Variants in ROBO1 observed in about 807,000 individuals in gnomAD.
The protein encoded by ROBO1 is roundabout homolog 1.
A neutral mutation model predicts 195.9 loss-of-function variants in ROBO1; 149 were observed. The observed-to-expected ratio is 0.76, with a 90% CI of 0.67 to 0.87. The LOEUF (loss-of-function observed/expected upper bound fraction) is 0.87. ROBO1 is among the 40% of genes least tolerant of loss of function. ROBO1 has a pLI of 0.00. For missense variants in ROBO1, 1,933 were observed against 2,068.3 expected, an observed-to-expected ratio of 0.93 and a Z score of 1.27; for synonymous variants, 816 against 733.2, an observed-to-expected ratio of 1.11 and a Z score of -1.82.
chr3:79,594,966 TAA>T (rs1023235591), intron 1 of ROBO1, among the ~76,000 whole-genome samples: 5 of 152,032 alleles, frequency 3.3e-5, no homozygotes, highest in Non-Finnish European at 7.4e-5. Flanking sequence ...AATATATTTA[TAA>T]GATAATCTCA....
At chr3:79,303,627 A>G (rs1468947056) in intron 2 of ROBO1, among the ~76,000 whole-genome samples, 2 of 152,190 alleles carry the variant, frequency 1.3e-5, no homozygotes, top group Non-Finnish European at 2.9e-5. Flanking sequence ...ATCAATAAAT[A>G]AAGAACATGT....
intron 1 of ROBO1, among the ~76,000 whole-genome samples, chr3:79,725,153 A>C (rs565436398): frequency 7.6e-4 from 115 of 151,820 alleles, no homozygotes; most frequent in Non-Finnish European, 8.8e-5. Flanking sequence ...CCAGTCTACT[A>C]CTGGAGGGCT....
At chr3:79,062,999 G>GA (rs986081473) in intron 3 of ROBO1, among the ~76,000 whole-genome samples, 2 of 151,288 alleles carry the variant, frequency 1.3e-5, no homozygotes, top group East Asian at 2.0e-4. Context: ...AAAAGAAGAA[G>GA]AAAAAAAATG....
chr3:79,691,606 C>G (rs973021212), intron 1 of ROBO1, among the ~76,000 whole-genome samples: 1 of 151,718 alleles, frequency 6.6e-6, no homozygotes, highest in Non-Finnish European at 1.5e-5. Context: ...GACTTGTTTT[C>G]TATTCTTAAG....
intron 2 of ROBO1, among the ~76,000 whole-genome samples, chr3:79,261,359 A>G (rs752731381): frequency 6.6e-6 from 1 of 152,088 alleles, no homozygotes; most frequent in Non-Finnish European, 1.5e-5. Flanking sequence ...CAGGCACTGT[A>G]AAAATGGGTT....
chr3:78,799,532 G>A (rs1490779986), intron 4 of ROBO1, among the ~76,000 whole-genome samples: 9 of 143,510 alleles, frequency 6.3e-5, no homozygotes, highest in South Asian at 2.3e-4. Flanking sequence ...TAGTAGAGAC[G>A]GGGTTTCACC....
intron 4 of ROBO1, among the ~76,000 whole-genome samples, chr3:78,884,019 A>G (rs2107285034): frequency 6.6e-6 from 1 of 152,290 alleles, no homozygotes; most frequent in South Asian, 2.1e-4. Flanking sequence ...TTTGGACTGC[A>G]AGTGAACAGT....
At chr3:79,644,438 G>T (rs1444684367) in intron 1 of ROBO1, among the ~76,000 whole-genome samples, 1 of 152,156 alleles carries the variant, frequency 6.6e-6, no homozygotes, top group African/African-American at 2.4e-5. Context: ...AGTTCCATGT[G>T]GCTGGGGAAG....
chr3:78,940,598 T>A (rs917670361), intron 3 of ROBO1, among the ~76,000 whole-genome samples: 7 of 152,250 alleles, frequency 4.6e-5, no homozygotes, highest in Non-Finnish European at 4.4e-5. Context: ...GGGCTTGAAG[T>A]AATCTTACAG....
intron 2 of ROBO1, among the ~76,000 whole-genome samples, chr3:79,388,017 G>A (rs988075592): frequency 1.1e-4 from 17 of 152,080 alleles, no homozygotes; most frequent in African/African-American, 2.7e-4. Flanking sequence ...TGCCTGATGC[G>A]TATTTGTTAA....
chr3:79,055,634 A>T (rs1011615529), intron 3 of ROBO1, among the ~76,000 whole-genome samples: 1 of 152,234 alleles, frequency 6.6e-6, no homozygotes, highest in African/African-American at 2.4e-5. Context: ...GCTGAAATTA[A>T]TATTCCACAT....
At chr3:78,630,534 C>T (rs1334124442) in intron 25 of ROBO1, among the ~76,000 whole-genome samples, 1 of 152,162 alleles carries the variant, frequency 6.6e-6, no homozygotes, top group Non-Finnish European at 1.5e-5. Flanking sequence ...CGTTAATTCT[C>T]CACCTTAAAG....
rs189551432 is a variant in ROBO1, at chr3:79,648,006, T to A, written c.-50-58045A>T. ...GCCTTAGGAACTTAACTCTTGTTTT[T>A]AACAATTGGCCTAAAGGAAAATTGG... On this transcript the variant is annotated intron_variant, in intron 1 of 30. Coordinates refer to ENST00000464233, the MANE Select transcript of ROBO1 (RefSeq NM_002941.4). 1.4e-3 allele frequency among the ~76,000 whole-genome samples: 208 copies of A among 152,258 alleles called. 2 individuals carry two copies. The highest frequency in any genetic ancestry group is 0.012 in the Admixed American group (190 of 15,276).
chr3:78,852,679 T>C (rs1001579585), intron 4 of ROBO1, among the ~76,000 whole-genome samples: 1 of 152,086 alleles, frequency 6.6e-6, no homozygotes, highest in African/African-American at 2.4e-5. Context: ...ATGAAAGACT[T>C]TGGGTAACAG....
At chr3:79,752,211 A>G (rs1704157765) in intron 1 of ROBO1, among the ~76,000 whole-genome samples, 1 of 152,180 alleles carries the variant, frequency 6.6e-6, no homozygotes. Flanking sequence ...AGTTTAGCAG[A>G]TAAAGAAGAG....
chr3:79,612,743 C>T (rs1467024890), intron 1 of ROBO1, among the ~76,000 whole-genome samples: 14 of 136,126 alleles, frequency 1.0e-4, no homozygotes, highest in Non-Finnish European at 2.2e-4. Flanking sequence ...GAGATGGTAT[C>T]TCATTGTGGT....
chr3:78,607,357 C>T (rs1575765020), intron 28 of ROBO1: 1 of 257,322 alleles, frequency 3.9e-6, no homozygotes, highest in Non-Finnish European at 7.5e-6. Flanking sequence ...GGACTATAGG[C>T]ATGCACCACC....
chr3:79,159,558 G>A (rs1315518149), intron 2 of ROBO1, among the ~76,000 whole-genome samples: 2 of 151,956 alleles, frequency 1.3e-5, no homozygotes, highest in Non-Finnish European at 2.9e-5. Context: ...AGTATTTGAA[G>A]AGAGCAACCA....
At chr3:78,698,762 A>G (rs1185788790) in intron 8 of ROBO1, among the ~76,000 whole-genome samples, 2 of 152,182 alleles carry the variant, frequency 1.3e-5, no homozygotes, top group African/African-American at 4.8e-5. Flanking sequence ...ATACTAACAT[A>G]TATTTATTTC....
Sources: gnomAD v4.1 joint callset for allele counts (sites outside exome capture counted in the v4.1 genomes callset) on GRCh38, gnomAD v4.1.1 for gene constraint, MANE v1.5 for transcripts, NCBI Gene and HGNC (gene_info 2026-07-23, HGNC 2026-07-21) for gene names.